The following MYLK variants were observed in gnomAD, a reference collection of about 807,000 sequenced individuals.
MYLK encodes myosin light chain kinase, smooth muscle.
In MYLK, 106 loss-of-function variants were observed where a neutral mutation model predicts 203.4. The observed-to-expected ratio is 0.52, with a 90% CI of 0.45 to 0.61. The LOEUF (loss-of-function observed/expected upper bound fraction) is 0.61, where lower values mean the gene tolerates loss of function less well. MYLK is among the 20% of genes least tolerant of loss of function. MYLK has a pLI of 0.00. For missense variants in MYLK, 2,072 were observed against 2,442.3 expected (o/e 0.85, Z 3.20); for synonymous variants, 867 against 959.5 (o/e 0.90, Z 1.78).
intron 4 of MYLK, among the ~76,000 whole-genome samples, chr3:123,760,484 TTTA>T (rs1181046652): frequency 1.1e-4 from 16 of 152,182 alleles, no homozygotes; most frequent in Non-Finnish European, 2.4e-4. Context: ...GGCTGAGAAG[TTTA>T]TAATTAACTG....
At position 123,784,376 on chromosome 3, in the gene MYLK, CTTTTTTTTTTTT is replaced by C. The variant is rs576849217; in HGVS notation, c.165+9289_165+9300del. On this transcript the variant is annotated intron_variant, in intron 4 of 33. Coordinates refer to ENST00000360304, the MANE Select transcript of MYLK (RefSeq NM_053025.4). ...CAAATACGGCTCATGGGTTGACTTT[CTTTTTTTTTTTT>C]TTTTTTTTTTTTTTTACCTCTGTCA... Among the ~76,000 whole-genome samples the C allele has an allele frequency of 2.7e-4, 21 of 78,694 alleles. No homozygotes were observed. The South Asian group carries it at 7.4e-3, about 28-fold the overall frequency. 51.6% of individuals were successfully genotyped at this position (78,694 alleles called of 152,430 possible).
At chr3:123,701,265 C>T (rs561109464) in intron 17 of MYLK, among the ~76,000 whole-genome samples, 173 bp downstream of exon 17, 15 of 151,932 alleles carry the variant, frequency 9.9e-5, no homozygotes, top group African/African-American at 2.9e-4. Flanking sequence ...AAATCACCCC[C>T]TCCTTCCCCT....
intron 33 of MYLK, chr3:123,618,342 A>G (rs1282999775): frequency 2.5e-6 from 1 of 398,442 alleles, no homozygotes; most frequent in African/African-American, 2.1e-5. Context: ...CATGTTCCAA[A>G]GCCAGGTAAG....
Position 123,735,391 on chromosome 3 carries a change from G to C in MYLK, c.773+7C>G. 6.2e-7 allele frequency: 1 copy of C among 1,614,072 alleles called. No homozygotes were observed. Among genetic ancestry groups the C allele is most frequent in the Non-Finnish European group, 8.5e-7 (1 of 1,179,976 alleles). On this transcript the variant is annotated splice_region_variant and intron_variant, in intron 9 of 33. Coordinates refer to ENST00000360304, the MANE Select transcript of MYLK (RefSeq NM_053025.4). ...GAAAACGTAAAAGTCACAAAGCCTA[G>C]ACATACCTATTGGCACTGTCCAAAC...
chr3:123,675,315 C>A (rs1411607232), intron 20 of MYLK, among the ~76,000 whole-genome samples: 1 of 152,164 alleles, frequency 6.6e-6, no homozygotes, highest in Non-Finnish European at 1.5e-5. Context: ...GTGGGGAGGC[C>A]AGCCTCCTAA....
At chr3:123,831,822 C>G (rs971109747) in intron 2 of MYLK, among the ~76,000 whole-genome samples, 152 bp from the exon 3 acceptor site, 1 of 152,084 alleles carries the variant, frequency 6.6e-6, no homozygotes, top group African/African-American at 2.4e-5. Flanking sequence ...CTTTTATTAC[C>G]GTGTGGGGGG....
intron 2 of MYLK, chr3:123,835,868 C>G (rs1577097149): frequency 6.6e-6 from 1 of 152,292 alleles, no homozygotes; most frequent in East Asian, 1.9e-4. Flanking sequence ...TCTGACCTAC[C>G]TTGTTTGACT....
At chr3:123,669,423 C>CT (rs11337964) in intron 20 of MYLK, among the ~76,000 whole-genome samples, 8 of 144,324 alleles carry the variant, frequency 5.5e-5, no homozygotes, top group South Asian at 2.2e-4. Context: ...AGAGGAAAGG[C>CT]TTTTTTTTTT....
Position 123,648,628 on chromosome 3 carries a change from T to C in MYLK, c.4415+343A>G, listed in dbSNP as rs887793591. On this transcript the variant is annotated intron_variant, in intron 26 of 33. Coordinates refer to ENST00000360304, the MANE Select transcript of MYLK (RefSeq NM_053025.4). This position sits in a 1 kb window ranked among gnomAD's most constrained non-coding sequence, Gnocchi z 4.5. ...TTAGCTCTTCTCCCTAATGTTCTGC[T>C]CCCCGCACCCCCTGCTCTCCCCTGA... Among the ~76,000 whole-genome samples, 1 of 152,124 alleles carries C rather than the reference T, an allele frequency of 6.6e-6. No homozygotes were observed. The highest frequency in any genetic ancestry group is 2.4e-5 in the African/African-American group (1 of 41,422).
At chr3:123,620,656 A>C in intron 31 of MYLK, 2 of 1,113,368 alleles carry the variant, frequency 1.8e-6, no homozygotes, top group Non-Finnish European at 1.1e-6. Context: ...GGTTTATATA[A>C]AGCAACTGCA....
chr3:123,721,068 C>A (rs2062069681), intron 13 of MYLK, among the ~76,000 whole-genome samples: 1 of 152,216 alleles, frequency 6.6e-6, no homozygotes, highest in African/African-American at 2.4e-5. Context: ...GCATCCTTGT[C>A]CCCTAGGCTA....
At chr3:123,675,735 C>A (rs1308596732) in intron 20 of MYLK, among the ~76,000 whole-genome samples, 1 of 152,124 alleles carries the variant, frequency 6.6e-6, no homozygotes, top group Non-Finnish European at 1.5e-5. Flanking sequence ...AGGACTCCAG[C>A]TGGGTTGAGC....
chr3:123,674,872 G>C (rs2060024189), intron 20 of MYLK, among the ~76,000 whole-genome samples: 1 of 152,244 alleles, frequency 6.6e-6, no homozygotes, highest in Non-Finnish European at 1.5e-5. Flanking sequence ...CTCCATCACA[G>C]CATTCATCAG....
rs116743533 is a variant in MYLK, at chr3:123,686,826, T to C, written c.3566-4516A>G. Among the ~76,000 whole-genome samples the C allele has an allele frequency of 4.7e-3, 709 of 152,312 alleles. 9 individuals carry two copies. The highest frequency in any genetic ancestry group is 0.016 in the African/African-American group (679 of 41,564). On this transcript the variant is annotated intron_variant, in intron 19 of 33. Coordinates refer to ENST00000360304, the MANE Select transcript of MYLK (RefSeq NM_053025.4). ...AAGTACTTTGTATGCTCAGATCAGG[T>C]TGAACTACACCATTCGCCAGTATTG...
chr3:123,752,256 C>T, intron 5 of MYLK, 75 bp downstream of exon 5: 2 of 1,480,610 alleles, frequency 1.4e-6, no homozygotes, highest in Non-Finnish European at 9.4e-7. Flanking sequence ...CAAGAGAGGG[C>T]TAAGGCAGGA....
At chr3:123,647,456 G>T (rs762600401) in intron 26 of MYLK, 29 bp from the exon 27 acceptor site, 1 of 1,605,756 alleles carries the variant, frequency 6.2e-7, no homozygotes, top group Non-Finnish European at 8.5e-7. Flanking sequence ...GGAGAGAAAA[G>T]CCACATTTAG....
chr3:123,628,456 C>G (rs953546277), intron 30 of MYLK, among the ~76,000 whole-genome samples: 15 of 152,206 alleles, frequency 9.9e-5, no homozygotes, highest in Non-Finnish European at 1.9e-4. Flanking sequence ...GTCAACACCA[C>G]CCTTCTTGGC....
intron 2 of MYLK, among the ~76,000 whole-genome samples, chr3:123,875,245 A>G (rs2033076646): frequency 6.6e-6 from 1 of 152,230 alleles, no homozygotes; most frequent in Admixed American, 6.5e-5. Context: ...ATAGGTAAAC[A>G]CACGGTGATA....
intron 2 of MYLK, among the ~76,000 whole-genome samples, chr3:123,851,107 T>C (rs956603046): frequency 2.0e-4 from 30 of 152,224 alleles, no homozygotes; most frequent in Admixed American, 3.3e-4. Flanking sequence ...GGTCTATATC[T>C]CTGTTTTGGT....
Sources: allele counts gnomAD v4.1 joint callset (sites outside exome capture counted in the v4.1 genomes callset), GRCh38; gene constraint gnomAD v4.1.1; non-coding constraint Gnocchi (gnomAD v3.1); transcripts MANE v1.5; gene names NCBI Gene and HGNC (gene_info 2026-07-23, HGNC 2026-07-21).